Variants in MICU1 observed in about 807,000 individuals in gnomAD.
The protein encoded by MICU1 is calcium uptake protein 1, mitochondrial.
MICU1 carries 45 observed loss-of-function variants against 56.8 expected under a neutral mutation model. The observed-to-expected ratio is 0.79, with a 90% CI of 0.62 to 1.02. The LOEUF (loss-of-function observed/expected upper bound fraction) is 1.02. MICU1 is among the 50% of genes least tolerant of loss of function. The pLI, the probability that MICU1 is intolerant of heterozygous loss-of-function variation, is 0.00. For synonymous variants in MICU1, 186 were observed against 195.1 expected (o/e 0.95, Z 0.39); for missense variants, 504 against 587.1 (o/e 0.86, Z 1.46).
chr10:72,426,057 G>T (rs1045858405), intron 8 of MICU1, among the ~76,000 whole-genome samples: 1 of 152,128 alleles, frequency 6.6e-6, no homozygotes, highest in Non-Finnish European at 1.5e-5. Context: ...TGTTGTTGTT[G>T]TCCAGGCTGG....
intron 8 of MICU1, among the ~76,000 whole-genome samples, chr10:72,439,062 C>T (rs549488982): frequency 1.3e-5 from 2 of 152,286 alleles, no homozygotes; most frequent in South Asian, 4.1e-4. Context: ...AGGCCAACAT[C>T]ATCCTGATAT....
intron 8 of MICU1, among the ~76,000 whole-genome samples, chr10:72,446,887 C>T (rs1865122353): frequency 6.6e-6 from 1 of 152,118 alleles, no homozygotes; most frequent in Non-Finnish European, 1.5e-5. Flanking sequence ...TGTGGTCACA[C>T]TTGCTTCTGT....
chr10:72,500,275 TATATATATATATATATATA>T (rs1866991087), intron 6 of MICU1, among the ~76,000 whole-genome samples: 2 of 9,246 alleles, frequency 2.2e-4, no homozygotes, highest in East Asian at 1.8e-3. Context: ...TATATATATA[TATATATATATATATATATA>T]TATATATATT....
rs74582621 is a variant in MICU1 at position 72,543,412 on chromosome 10, C to A, written c.493+7767G>T. On this transcript the variant is annotated intron_variant, in intron 4 of 11. Transcript: ENST00000361114. Reference sequence around the variant, plus strand: ...ATAGGCTATAGGGCCTATAGGCTCACACCTATAATCCTGGCACTTTGGGAG... The same window carrying A: ...ATAGGCTATAGGGCCTATAGGCTCAAACCTATAATCCTGGCACTTTGGGAG... Among the ~76,000 whole-genome samples, 1,242 of 152,282 alleles carry A rather than the reference C, an allele frequency of 8.2e-3. 15 individuals carry two copies. Among genetic ancestry groups the A allele is most frequent in the African/African-American group, 0.028 (1,170 of 41,546 alleles).
chr10:72,374,805 TA>T (rs1248220000), intron 11 of MICU1, among the ~76,000 whole-genome samples: 2 of 144,582 alleles, frequency 1.4e-5, no homozygotes, highest in East Asian at 4.2e-4. Context: ...CATCTACTAT[TA>T]TCTTTTTTTT....
intron 1 of MICU1, among the ~76,000 whole-genome samples, chr10:72,592,325 GA>G (rs928660186): frequency 6.7e-6 from 1 of 149,752 alleles, no homozygotes; most frequent in East Asian, 2.0e-4. Flanking sequence ...CTGTTTCAAG[GA>G]AAAAAAAAAG....
chr10:72,503,656 G>T (rs1264304543), intron 6 of MICU1, among the ~76,000 whole-genome samples: 2 of 151,962 alleles, frequency 1.3e-5, no homozygotes, highest in Admixed American at 6.6e-5. Flanking sequence ...TCCAAATAGG[G>T]AAATAAGAAG....
intron 5 of MICU1, among the ~76,000 whole-genome samples, chr10:72,516,922 T>C (rs75668829): frequency 0.037 from 5,633 of 152,286 alleles, 329 homozygotes; most frequent in African/African-American, 0.13. Context: ...TTCAGAGGCA[T>C]GCTCTTGTTA....
At chr10:72,403,217 G>A (rs968268173) in intron 10 of MICU1, among the ~76,000 whole-genome samples, 3 of 151,928 alleles carry the variant, frequency 2.0e-5, no homozygotes, top group African/African-American at 7.3e-5. Context: ...ACCATTAGCC[G>A]GGTGTGGTGG....
intron 1 of MICU1, among the ~76,000 whole-genome samples, chr10:72,610,690 A>C (rs750554077): frequency 1.3e-5 from 2 of 152,162 alleles, no homozygotes; most frequent in Non-Finnish European, 2.9e-5. Context: ...AGGGAAATAA[A>C]CACACAGACA....
rs115275075 is a variant in MICU1 at position 72,496,133 on chromosome 10, A to G, written c.652+12022T>C. Among the ~76,000 whole-genome samples the G allele has an allele frequency of 4.0e-3, 603 of 151,776 alleles. 5 individuals carry two copies. The highest frequency in any genetic ancestry group is 0.014 in the African/African-American group (560 of 41,376). ...AGGCACACAACACCACACCAGGCTT[A>G]TTTATTTATTTTGAGTTGGAGTTTT... On this transcript the variant is annotated intron_variant, in intron 6 of 11. Coordinates refer to ENST00000361114, the MANE Select transcript of MICU1 (RefSeq NM_001195518.2).
At chr10:72,503,647 CCAAA>C (rs1867148648) in intron 6 of MICU1, among the ~76,000 whole-genome samples, 1 of 151,952 alleles carries the variant, frequency 6.6e-6, no homozygotes, top group African/African-American at 2.4e-5. Context: ...TAAAAGGCAT[CCAAA>C]TAGGGAAATA....
At chr10:72,383,662 A>C (rs865895338) in intron 10 of MICU1, among the ~76,000 whole-genome samples, 1 of 152,270 alleles carries the variant, frequency 6.6e-6, no homozygotes, top group South Asian at 2.1e-4. Flanking sequence ...TTCTCTTTAA[A>C]AAATTATTTC....
intron 4 of MICU1, among the ~76,000 whole-genome samples, chr10:72,537,430 T>C (rs932670532): frequency 3.3e-5 from 5 of 152,208 alleles, no homozygotes; most frequent in Admixed American, 3.3e-4. Context: ...CTTAGGTGAC[T>C]TCCATATGAC....
At chr10:72,393,334 G>C (rs776006618) in intron 10 of MICU1, among the ~76,000 whole-genome samples, 10 of 152,178 alleles carry the variant, frequency 6.6e-5, no homozygotes, top group Non-Finnish European at 1.2e-4. Context: ...TATGATACAG[G>C]ATGATGGAAC....
At chr10:72,442,037 T>C (rs1346284681) in intron 8 of MICU1, among the ~76,000 whole-genome samples, 1 of 152,200 alleles carries the variant, frequency 6.6e-6, no homozygotes, top group Non-Finnish European at 1.5e-5. Context: ...GATTAGAATA[T>C]CGAAACCTGT....
At chr10:72,391,979 C>T (rs1280061858) in intron 10 of MICU1, 1 of 152,118 alleles carries the variant, frequency 6.6e-6, no homozygotes, top group Non-Finnish European at 1.5e-5. Context: ...CGTCCGGCAG[C>T]ACATATACTC....
chr10:72,384,225 G>C (rs1216422136), intron 10 of MICU1, among the ~76,000 whole-genome samples: 1 of 152,002 alleles, frequency 6.6e-6, no homozygotes, highest in African/African-American at 2.4e-5. Context: ...GAACTCCTGG[G>C]CTCAAGCGAA....
intron 1 of MICU1, among the ~76,000 whole-genome samples, chr10:72,599,937 C>T (rs1288521863): frequency 6.6e-6 from 1 of 152,122 alleles, no homozygotes; most frequent in Non-Finnish European, 1.5e-5. Context: ...GAATCATATG[C>T]CAAGGCTGCT....
Sources: gnomAD v4.1 joint callset for allele counts (sites outside exome capture counted in the v4.1 genomes callset) on GRCh38, gnomAD v4.1.1 for gene constraint, MANE v1.5 for transcripts, NCBI Gene and HGNC (gene_info 2026-07-23, HGNC 2026-07-21) for gene names.